The following CEP120 variants were observed in gnomAD, a reference collection of about 807,000 sequenced individuals.
CEP120 encodes the protein centrosomal protein of 120 kDa.
CEP120 carries 113 observed loss-of-function variants against 126.5 expected under a neutral mutation model. That is an observed-to-expected ratio of 0.89 (90% confidence interval 0.77 to 1.04). The LOEUF (loss-of-function observed/expected upper bound fraction) is 1.04, where lower values mean the gene tolerates loss of function less well. Among genes scored for constraint, CEP120 ranks in the 50% least tolerant of loss-of-function variants. The pLI, the probability that CEP120 is intolerant of heterozygous loss-of-function variation, is 0.00. For synonymous variants in CEP120, 400 were observed against 394.3 expected, an observed-to-expected ratio of 1.01 and a Z score of -0.17; for missense variants, 1,230 against 1,155.7, an observed-to-expected ratio of 1.06 and a Z score of -0.93.
At chr5:123,359,674 T>C (rs888805396) in intron 18 of CEP120, among the ~76,000 whole-genome samples, 2 of 152,020 alleles carry the variant, frequency 1.3e-5, no homozygotes, top group Non-Finnish European at 2.9e-5. Flanking sequence ...CAGGACTCAT[T>C]TTATGTTATG....
intron 6 of CEP120, 39 bp downstream of exon 6, chr5:123,393,261 G>C (rs767036859): frequency 2.0e-5 from 31 of 1,585,530 alleles, no homozygotes; most frequent in Non-Finnish European, 2.6e-5. Flanking sequence ...ATGCTTAAAA[G>C]ACCACCTCCA....
At chr5:123,360,755 G>C (rs528480038) in intron 18 of CEP120, among the ~76,000 whole-genome samples, 1 of 151,654 alleles carries the variant, frequency 6.6e-6, no homozygotes, top group African/African-American at 2.4e-5. Context: ...GCGTGTGTTA[G>C]GAAGGAGGGA....
chr5:123,365,234 G>GA (rs5871042), intron 17 of CEP120, among the ~76,000 whole-genome samples: 108,411 of 151,408 alleles, frequency 0.72, 38,945 homozygotes, highest in African/African-American at 0.75. Flanking sequence ...AATATATAAA[G>GA]AAAACACTAA....
At chr5:123,403,094 T>C (rs986430449) in intron 4 of CEP120, 1 of 315,890 alleles carries the variant, frequency 3.2e-6, no homozygotes, top group East Asian at 9.8e-5. Context: ...GGTAAGACCA[T>C]ATGTATATAT....
At position 123,357,810 on chromosome 5, in the gene CEP120, A is replaced by C. The variant is rs576354554; in HGVS notation, c.2580+6686T>G. On this transcript the variant is annotated intron_variant, in intron 18 of 19. Transcript: ENST00000306467. ...TTAGTAACTAGAGGAATGAAAATGT[A>C]AGTAAGTCCCAATGTGACACTACTT... Among the ~76,000 whole-genome samples, 4 of 152,282 alleles carry C rather than the reference A, an allele frequency of 2.6e-5. No homozygotes were observed. In the South Asian group the frequency reaches 8.3e-4, roughly 32 times the overall value.
chr5:123,354,268 A>G (rs1769406331), intron 18 of CEP120, among the ~76,000 whole-genome samples: 1 of 152,140 alleles, frequency 6.6e-6, no homozygotes, highest in African/African-American at 2.4e-5. Flanking sequence ...CAGAGAACAT[A>G]TTCTAAATTA....
intron 16 of CEP120, among the ~76,000 whole-genome samples, chr5:123,374,565 A>G (rs1254481534): frequency 2.6e-5 from 4 of 152,098 alleles, no homozygotes; most frequent in African/African-American, 9.7e-5. Context: ...ATATAAACCA[A>G]TTGTCTCTTC....
At chr5:123,400,770 A>G (rs962732412) in intron 4 of CEP120, among the ~76,000 whole-genome samples, 1 of 144,606 alleles carries the variant, frequency 6.9e-6, no homozygotes, top group African/African-American at 2.6e-5. Context: ...GGGGGTCCCC[A>G]GGCAGTAAAC....
Position 123,364,581 on chromosome 5 carries a change from C to G in CEP120, c.2495G>C (p.Arg832Thr). 6.2e-7 allele frequency: 1 copy of G among 1,603,442 alleles called. No individual in the cohort carries two copies. Among genetic ancestry groups the G allele is most frequent in the Non-Finnish European group, 8.5e-7 (1 of 1,172,996 alleles). ...LLTLEKVELE[R>T]KLESATKSKL... ...AGACTTAGTTGCAGATTCCAACTTT[C>G]TTTCAAGTTCAACCTAACAGTGATT... Residue 832 changes from arginine to threonine, a missense_variant, in exon 18 of 20, where the codon AGA becomes ACA. Coordinates refer to ENST00000306467, the MANE Select transcript of CEP120 (RefSeq NM_001375405.1).
upstream of CEP120, among the ~76,000 whole-genome samples, chr5:123,423,840 A>AGTAG (rs1774880635): frequency 1.3e-5 from 2 of 152,218 alleles, no homozygotes; most frequent in Non-Finnish European, 2.9e-5. Flanking sequence ...TTTGAAAACA[A>AGTAG]GTAGCTTCAA....
At chr5:123,401,694 G>C in intron 4 of CEP120, 1 of 1,391,642 alleles carries the variant, frequency 7.2e-7, no homozygotes, top group South Asian at 1.2e-5. Flanking sequence ...TCATCAGTCA[G>C]CCCTTCCAGG....
intron 19 of CEP120, 137 bp from the exon 20 acceptor site, chr5:123,346,890 GTGTTCCACTTGGC>G: frequency 1.7e-6 from 1 of 604,106 alleles, no homozygotes; most frequent in South Asian, 3.7e-5. Flanking sequence ...AAAAAAACCA[GTGTTCCACTTGGC>G]TAGTCAGAGT....
At chr5:123,388,726 C>T (rs1580696412) in intron 8 of CEP120, 120 bp from the exon 9 acceptor site, 2 of 702,050 alleles carry the variant, frequency 2.8e-6, no homozygotes, top group Non-Finnish European at 4.3e-6. Context: ...GCTATTTTGT[C>T]TCATGAACAT....
chr5:123,382,234 A>C (rs774775234), intron 13 of CEP120, 34 bp from the exon 14 acceptor site: 2 of 1,387,394 alleles, frequency 1.4e-6, no homozygotes, highest in Non-Finnish European at 2.0e-6. Context: ...TCGCCAAAAA[A>C]CCCCAAATAT....
intron 5 of CEP120, among the ~76,000 whole-genome samples, chr5:123,396,374 G>A (rs977121020): frequency 6.6e-6 from 1 of 151,256 alleles, no homozygotes; most frequent in Non-Finnish European, 1.5e-5. Flanking sequence ...GAATCTATCT[G>A]CCTTAATTTT....
intron 1 of CEP120, 36 bp from the exon 2 acceptor site, chr5:123,418,551 T>C (rs747446111): frequency 6.7e-6 from 10 of 1,502,936 alleles, no homozygotes; most frequent in South Asian, 5.2e-5. Flanking sequence ...ATCAAAAGTG[T>C]ACAAAAATCA....
intron 9 of CEP120, 59 bp downstream of exon 9, chr5:123,388,373 A>C (rs1173987537): frequency 8.2e-7 from 1 of 1,226,860 alleles, no homozygotes. Context: ...CAATTCCCCA[A>C]ACACAGGAAA....
At chr5:123,412,289 G>T in intron 4 of CEP120, 110 bp downstream of exon 4, 2 of 949,542 alleles carry the variant, frequency 2.1e-6, no homozygotes, top group Non-Finnish European at 3.0e-6. Flanking sequence ...ATATTTGTCT[G>T]ATGAACAGTT....
At chr5:123,402,165 A>G in intron 4 of CEP120, 1 of 1,582,644 alleles carries the variant, frequency 6.3e-7, no homozygotes, top group Admixed American at 1.7e-5. Context: ...GATGCCTCCC[A>G]TGCCGCTGGC....
Sources: allele counts gnomAD v4.1 joint callset (sites outside exome capture counted in the v4.1 genomes callset), GRCh38; gene constraint gnomAD v4.1.1; transcripts MANE v1.5; gene names NCBI Gene and HGNC (gene_info 2026-07-23, HGNC 2026-07-21).